Variants in F2RL2 observed in about 807,000 individuals in gnomAD.
F2RL2 encodes the protein coagulation factor II thrombin receptor like 2, also known as proteinase-activated receptor 3.
F2RL2 carries 4 observed loss-of-function variants against 4.3 expected under a neutral mutation model. The ratio of observed to expected loss-of-function variants is 0.93; its 90% CI spans 0.46 to 2.12. The LOEUF is 2.12. Among genes scored for constraint, F2RL2 ranks in the 30% most tolerant of loss-of-function variants. F2RL2 has a pLI of 0.02. For missense variants in F2RL2, 408 were observed against 449.3 expected, an observed-to-expected ratio of 0.91 and a Z score of 0.83; for synonymous variants, 166 against 170.9, an observed-to-expected ratio of 0.97 and a Z score of 0.22.
chr5:76,620,038 C>G (rs1289595411), intron 1 of F2RL2, among the ~76,000 whole-genome samples: 1 of 152,106 alleles, frequency 6.6e-6, no homozygotes, highest in Non-Finnish European at 1.5e-5. Context: ...CCTAGAGCCT[C>G]GAGAATGAAC....
chr5:76,620,464 T>A (rs1013354550), intron 1 of F2RL2, among the ~76,000 whole-genome samples: 2 of 152,102 alleles, frequency 1.3e-5, no homozygotes, highest in Non-Finnish European at 2.9e-5. Flanking sequence ...TGCCATTAAC[T>A]GAGTTGGAGG....
chr5:76,619,386 A>G (rs1749364056), intron 1 of F2RL2, among the ~76,000 whole-genome samples: 1 of 152,146 alleles, frequency 6.6e-6, no homozygotes, highest in Non-Finnish European at 1.5e-5. Flanking sequence ...TGAACAGAGG[A>G]ATGACCATTG....
chr5:76,620,611 G>T (rs563379546), intron 1 of F2RL2, among the ~76,000 whole-genome samples: 1 of 152,260 alleles, frequency 6.6e-6, no homozygotes, highest in Non-Finnish European at 1.5e-5. Context: ...AATTCCAGGA[G>T]CCCAAATTAG....
At position 76,617,804 on chromosome 5, in the gene F2RL2, CT is replaced by C. The variant is rs866935516; in HGVS notation, c.902del (p.Lys301ArgfsTer8). 2.5e-6 allele frequency: 4 copies of C among 1,613,806 alleles called. No homozygotes were observed. Among genetic ancestry groups the C allele is most frequent in the Non-Finnish European group, 3.4e-6 (4 of 1,179,832 alleles). ...AAATCACAAGGATGAGGAGACTCGC[CT>C]TAACATACCACAACCATCTATGATC... is the stretch of plus-strand genomic sequence containing the variant. ...AYDHRWLWYV[K>X]ASLLILVIFT... On this transcript the variant is annotated frameshift_variant, in exon 2 of 2. Coordinates refer to ENST00000296641, the MANE Select transcript of F2RL2 (RefSeq NM_004101.4). LOFTEE classifies it high-confidence loss of function.
chr5:76,618,562 C>A lies in F2RL2; in HGVS notation c.145G>T (p.Glu49Ter), dbSNP rs1343644816. The A allele has an allele frequency of 2.5e-6, 4 of 1,614,056 alleles. No individual in the cohort carries two copies. The African/African-American group carries it at 4.0e-5, about 16-fold the overall frequency. ...TFRGAPPNSF[E>*]EFPFSALEGW... ...TCCAAGGCAGAAAAGGGGAACTCTTCAAAAGAATTTGGGGGAGCTCCACGA... is the reference window on the plus strand; with the variant it reads ...TCCAAGGCAGAAAAGGGGAACTCTTAAAAAGAATTTGGGGGAGCTCCACGA... The change falls in exon 2 of 2, where the codon GAA becomes TAA. Residue 49 changes from glutamate (E) to a stop codon, truncating the protein, a stop_gained. Coordinates refer to ENST00000296641, the MANE Select transcript of F2RL2 (RefSeq NM_004101.4). LOFTEE classifies it low-confidence loss of function (END_TRUNC).
intron 1 of F2RL2, among the ~76,000 whole-genome samples, chr5:76,619,515 T>A (rs1811686): frequency 2.2e-5 from 2 of 89,336 alleles, no homozygotes. Flanking sequence ...AAGGATCTTC[T>A]TTTTTTTTTT....
At chr5:76,618,702 T>C in intron 1 of F2RL2, 60 bp from the exon 2 acceptor site, 1 of 1,326,434 alleles carries the variant, frequency 7.5e-7, no homozygotes. Flanking sequence ...AAAGTGTGTT[T>C]AATTATTTGT....
intron 1 of F2RL2, among the ~76,000 whole-genome samples, chr5:76,621,819 T>A (rs190246632): frequency 6.6e-6 from 1 of 152,206 alleles, no homozygotes; most frequent in Non-Finnish European, 1.5e-5. Flanking sequence ...GAGGCTTCCA[T>A]TGGGCATAAT....
chr5:76,622,232 G>C (rs990851185), intron 1 of F2RL2, among the ~76,000 whole-genome samples: 5 of 151,884 alleles, frequency 3.3e-5, no homozygotes, highest in South Asian at 2.1e-4. Context: ...CGAAAACCTT[G>C]CTTCTTTTGC....
intron 1 of F2RL2, among the ~76,000 whole-genome samples, chr5:76,622,814 A>G (rs1749834321): frequency 6.6e-6 from 1 of 152,206 alleles, no homozygotes; most frequent in African/African-American, 2.4e-5. Flanking sequence ...AACACAGGAT[A>G]TATATTTTAA....
At position 76,617,636 on chromosome 5, in the gene F2RL2, A is replaced by G; in HGVS notation, c.1071T>C (p.Leu357=). 6.2e-7 allele frequency: 1 copy of G among 1,613,716 alleles called. No individual in the cohort carries two copies. Among genetic ancestry groups the G allele is most frequent in the Non-Finnish European group, 8.5e-7 (1 of 1,179,906 alleles). ...TTCTGGTTTTTGACATGAGAAAATA[A>G]AGGAATGGATCTAAGCAACTATTAA... ...GSLNSCLDPF[L]YFLMSKTRNH... The change falls in exon 2 of 2, where the codon CTT becomes CTC. Residue 357 remains leucine (L), a synonymous_variant. Coordinates refer to ENST00000296641, the MANE Select transcript of F2RL2 (RefSeq NM_004101.4).
intron 1 of F2RL2, among the ~76,000 whole-genome samples, chr5:76,619,217 G>T (rs2069679): frequency 0.036 from 5,522 of 152,250 alleles, 186 homozygotes; most frequent in East Asian, 0.098. Flanking sequence ...AATGCTACTC[G>T]TGGAGAAGAT....
In F2RL2 at chr5:76,623,298, T is replaced by C. The variant is rs1749893358; in HGVS notation, c.-68A>G. On this transcript the variant is annotated 5_prime_UTR_variant, in exon 1 of 2. Coordinates refer to ENST00000296641, the MANE Select transcript of F2RL2 (RefSeq NM_004101.4). ...TAAAATCATGGAGCACAATTTCACC[T>C]CAGTTCCATGTGTCAGCAGCAAATG... 6.4e-7 allele frequency: 1 copy of C among 1,564,818 alleles called. No homozygotes were observed. Among genetic ancestry groups the C allele is most frequent in the African/African-American group, 1.4e-5 (1 of 73,944 alleles).
intron 1 of F2RL2, among the ~76,000 whole-genome samples, chr5:76,620,191 G>T (rs186903847): frequency 1.3e-5 from 2 of 152,308 alleles, no homozygotes; most frequent in East Asian, 3.9e-4. Flanking sequence ...TTTTTAAGAT[G>T]ACTTAGGTAA....
rs1748912229 is a variant in F2RL2, at chr5:76,615,866, T to A, written c.*1716A>T. On this transcript the variant is annotated 3_prime_UTR_variant, in exon 2 of 2. Coordinates refer to ENST00000296641, the MANE Select transcript of F2RL2 (RefSeq NM_004101.4). Reference sequence around the variant, plus strand: ...AATGGCCTGGTGAGTATAGTCTTAGTTTAGCTTCCTTACTTTTTTGTATGC... The same window carrying A: ...AATGGCCTGGTGAGTATAGTCTTAGATTAGCTTCCTTACTTTTTTGTATGC... 6.5e-6 allele frequency: 1 copy of A among 152,674 alleles called. No individual in the cohort carries two copies. Among genetic ancestry groups the A allele is most frequent in the African/African-American group, 2.4e-5 (1 of 41,458 alleles). 9.5% of individuals were successfully genotyped at this position (152,674 alleles called of 1,614,324 possible).
chr5:76,618,115 G>C lies in F2RL2; in HGVS notation c.592C>G (p.Pro198Ala), dbSNP rs1749183073. The C allele has an allele frequency of 6.2e-7, 1 of 1,614,042 alleles. No individual in the cohort carries two copies. ...SINRYLAIVH[P>A]FTYRGLPKHT... ...TTGGGCAGGCCCCGGTAGGTGAAAG[G>C]ATGGACGATGGCCAGGTAGCGGTTG... Residue 198 changes from proline to alanine, a missense_variant, in exon 2 of 2, where the codon CCT (proline) becomes GCT (alanine). By Grantham distance (27) the Pro-to-Ala change is conservative. Coordinates refer to ENST00000296641, the MANE Select transcript of F2RL2 (RefSeq NM_004101.4).
Position 76,615,908 on chromosome 5 carries a change from T to G in F2RL2, c.*1674A>C, listed in dbSNP as rs1228594236. 2.0e-5 allele frequency: 3 copies of G among 152,680 alleles called. No individual in the cohort carries two copies. The highest frequency in any genetic ancestry group is 4.4e-5 in the Non-Finnish European group (3 of 68,044). The allele number at this position is 152,680 out of a possible 1,614,324, so 9.5% of individuals were successfully genotyped here. A position where few individuals can be genotyped will look rare whatever the true frequency, so the allele number is the denominator to read the frequency against. ...TTTGTATGCCCAACCTGAAATGATG[T>G]CATCCCGTATCATCACAGTATGTTG... On this transcript the variant is annotated 3_prime_UTR_variant, in exon 2 of 2. Transcript: ENST00000296641.
In F2RL2 at chr5:76,618,290, A is replaced by C; in HGVS notation, c.417T>G (p.Asp139Glu). The C allele has an allele frequency of 6.2e-7, 1 of 1,614,182 alleles. No homozygotes were observed. Among genetic ancestry groups the C allele is most frequent in the South Asian group, 1.1e-5 (1 of 91,090 alleles). ...TVFYTNLAIA[D>E]FLFCVTLPFK... ...AGGGCAATGTAACACAAAAAAGAAA[A>C]TCTGCAATGGCCAGGTTGGTGTAGA... Residue 139 changes from aspartate to glutamate, a missense_variant, in exon 2 of 2, where the codon GAT becomes GAG. Asp to Glu is a conservative substitution (Grantham distance 45, BLOSUM62 2). Transcript: ENST00000296641.
At chr5:76,618,826 T>C (rs190033010) in intron 1 of F2RL2, among the ~76,000 whole-genome samples, 184 bp from the exon 2 acceptor site, 2 of 152,344 alleles carry the variant, frequency 1.3e-5, no homozygotes, top group Admixed American at 1.3e-4. Context: ...AGAACAACAC[T>C]ATCTTGTGCG....
Sources: gnomAD v4.1 joint callset for allele counts (sites outside exome capture counted in the v4.1 genomes callset) on GRCh38, gnomAD v4.1.1 for gene constraint, MANE v1.5 for transcripts, NCBI Gene and HGNC (gene_info 2026-07-23, HGNC 2026-07-21) for gene names.